The following MBTPS1 variants were observed in gnomAD, a reference collection of about 807,000 sequenced individuals.
The protein encoded by MBTPS1 is membrane bound transcription factor peptidase, site 1.
Under a neutral mutation model 127.8 loss-of-function variants are expected in MBTPS1, and 94 were observed. The ratio of observed to expected loss-of-function variants is 0.74; its 90% CI spans 0.62 to 0.87. The LOEUF (loss-of-function observed/expected upper bound fraction) is 0.87, where lower values mean the gene tolerates loss of function less well. MBTPS1 is among the 40% of genes least tolerant of loss of function. The pLI is 0.00. For synonymous variants in MBTPS1, 632 were observed against 509.4 expected (o/e 1.24, Z -3.24); for missense variants, 1,636 against 1,353.2 (o/e 1.21, Z -3.28).
In MBTPS1 at chr16:84,067,799, T is replaced by A; in HGVS notation, c.2096A>T (p.Glu699Val). The A allele has an allele frequency of 6.2e-7, 1 of 1,612,404 alleles. No homozygotes were observed. The highest frequency in any genetic ancestry group is 8.5e-7 in the Non-Finnish European group (1 of 1,178,672). Residue 699 changes from glutamate to valine, a missense_variant, in exon 16 of 23, where the codon GAG (glutamate) becomes GTG (valine). Glu to Val is a moderately radical substitution (Grantham distance 121, BLOSUM62 -2). Coordinates refer to ENST00000343411, the MANE Select transcript of MBTPS1 (RefSeq NM_003791.4). Reference sequence around the variant, plus strand: ...GATCTCTTCAGGGAAGTACTCCTCCTCACTGTCCACCATCAGCAAAGTGCC... The same window carrying A: ...GATCTCTTCAGGGAAGTACTCCTCCACACTGTCCACCATCAGCAAAGTGCC... ...QYGTLLMVDS[E>V]EEYFPEEIAK...
chr16:84,093,652 G>A lies in MBTPS1; in HGVS notation c.736+59C>T, dbSNP rs1429011216. 7 of 1,121,068 alleles carry A rather than the reference G, an allele frequency of 6.2e-6. No homozygotes were observed. In the East Asian group the frequency reaches 9.4e-5, roughly 15 times the overall value. 69.4% of individuals were successfully genotyped at this position (1,121,068 alleles called of 1,614,324 possible). ...ATTGCTGGACAGACTGTGGAATCATGCACTAAACACACTCTCAGTCGATCA... is the reference window on the plus strand; with the variant it reads ...ATTGCTGGACAGACTGTGGAATCATACACTAAACACACTCTCAGTCGATCA... On this transcript the variant is annotated intron_variant, in intron 5 of 22. Coordinates refer to ENST00000343411, the MANE Select transcript of MBTPS1 (RefSeq NM_003791.4).
intron 21 of MBTPS1, 52 bp from the exon 22 acceptor site, chr16:84,056,187 A>C: frequency 6.7e-7 from 1 of 1,498,626 alleles, no homozygotes; most frequent in East Asian, 2.3e-5. Flanking sequence ...GTACTAGTCT[A>C]GGTACTAGTC....
intron 3 of MBTPS1, among the ~76,000 whole-genome samples, chr16:84,096,854 C>A (rs1304401802): frequency 6.6e-6 from 1 of 152,226 alleles, no homozygotes; most frequent in African/African-American, 2.4e-5. Flanking sequence ...AAGAGCAACA[C>A]TGAGACCAGG....
At chr16:84,090,322 AG>A (rs2086086207) in intron 8 of MBTPS1, among the ~76,000 whole-genome samples, 1 of 151,588 alleles carries the variant, frequency 6.6e-6, no homozygotes, top group African/African-American at 2.4e-5. Context: ...TTTAGCACAA[AG>A]GCCCCCCTGT....
intron 7 of MBTPS1, 124 bp downstream of exon 7, chr16:84,091,608 T>A: frequency 1.5e-6 from 1 of 662,880 alleles, no homozygotes. Context: ...TCATTAGCCA[T>A]CTGTTCTCAC....
At chr16:84,077,834 T>C (rs1343884830) in intron 11 of MBTPS1, among the ~76,000 whole-genome samples, 3 of 151,766 alleles carry the variant, frequency 2.0e-5, no homozygotes, top group African/African-American at 7.3e-5. Flanking sequence ...GCAACATGCA[T>C]CCCTGACGGA....
rs148238798 is a variant in MBTPS1 at position 84,054,948 on chromosome 16, G to A, written c.2963-303C>T. Among the ~76,000 whole-genome samples, 270 of 152,264 alleles carry A rather than the reference G, an allele frequency of 1.8e-3. 3 individuals carry two copies. The highest frequency in any genetic ancestry group is 4.8e-3 in the African/African-American group (199 of 41,552). On this transcript the variant is annotated intron_variant, in intron 22 of 22. Transcript: ENST00000343411. Reference sequence around the variant, plus strand: ...AGCTATGCTTCTGTCACAACCTACCGAAGGGAGGCCCAGAGGCGCTCTGTG... The same window carrying A: ...AGCTATGCTTCTGTCACAACCTACCAAAGGGAGGCCCAGAGGCGCTCTGTG...
intron 3 of MBTPS1, among the ~76,000 whole-genome samples, chr16:84,098,009 G>A (rs561339697): frequency 3.2e-4 from 49 of 152,050 alleles, no homozygotes; most frequent in African/African-American, 9.6e-4. Context: ...CTAGAAATTT[G>A]TTAACCTGAT....
Position 84,101,960 on chromosome 16 carries a change from A to C in MBTPS1, c.-177T>G. On this transcript the variant is annotated 5_prime_UTR_variant, in exon 2 of 23. Transcript: ENST00000343411. ...CATGGCCTTTTGTGGTTCAGCCTGA[A>C]GAGAGGCTTTCATTTCTTTCTCCGC... is the stretch of plus-strand genomic sequence containing the variant. 1 of 585,276 alleles carries C rather than the reference A, an allele frequency of 1.7e-6. No individual in the cohort carries two copies. Among genetic ancestry groups the C allele is most frequent in the Non-Finnish European group, 3.0e-6 (1 of 330,710 alleles). 36.3% of individuals were successfully genotyped at this position (585,276 alleles called of 1,614,324 possible). A position where few individuals can be genotyped will look rare whatever the true frequency, so the allele number is the denominator to read the frequency against.
At chr16:84,060,619 G>A in intron 20 of MBTPS1, 63 bp downstream of exon 20, 1 of 1,572,478 alleles carries the variant, frequency 6.4e-7, no homozygotes, top group Non-Finnish European at 8.7e-7. Context: ...GCCACTGGCT[G>A]AAGTAGCATC....
At chr16:84,074,042 C>CT (rs1479853908) in intron 12 of MBTPS1, among the ~76,000 whole-genome samples, 6 of 152,064 alleles carry the variant, frequency 3.9e-5, no homozygotes, top group Non-Finnish European at 8.8e-5. Context: ...ACAACTGGGC[C>CT]TTTAATTATA....
At position 84,116,764 on chromosome 16, in the gene MBTPS1, G is replaced by T. The variant is rs550521984; in HGVS notation, c.-354C>A. 45 of 152,224 alleles carry T rather than the reference G, an allele frequency of 3.0e-4. No homozygotes were observed. The highest frequency in any genetic ancestry group is 1.1e-3 in the African/African-American group (45 of 41,566). The allele number at this position is 152,224 out of a possible 1,614,324, so 9.4% of individuals were successfully genotyped here. On this transcript the variant is annotated 5_prime_UTR_variant, in exon 1 of 23. Transcript: ENST00000343411. ...GCCGCCGGGAGCTCAGGGCCGGCGG[G>T]CCCGGGATAACGGCGCCTCCGCGGC...
rs1419211785 is a variant in MBTPS1, at chr16:84,084,970, G to C, written c.1286+13C>G. ...GACGTGGGAGCTACTGGTCTCTAGGGGGCAGCACTCACCTCACTAACAAGG... is the reference window on the plus strand; with the variant it reads ...GACGTGGGAGCTACTGGTCTCTAGGCGGCAGCACTCACCTCACTAACAAGG... On this transcript the variant is annotated intron_variant, in intron 10 of 22. Transcript: ENST00000343411. 1.2e-6 allele frequency: 2 copies of C among 1,613,204 alleles called. No homozygotes were observed. Among genetic ancestry groups the C allele is most frequent in the African/African-American group, 1.3e-5 (1 of 75,004 alleles).
At chr16:84,093,027 A>C (rs1255545725) in intron 6 of MBTPS1, among the ~76,000 whole-genome samples, 161 bp downstream of exon 6, 1 of 152,226 alleles carries the variant, frequency 6.6e-6, no homozygotes, top group African/African-American at 2.4e-5. Context: ...GGAGCCACCC[A>C]GGAGGCAGAG....
At chr16:84,057,738 A>C (rs1465029728) in intron 21 of MBTPS1, 1 of 152,224 alleles carries the variant, frequency 6.6e-6, no homozygotes, top group Non-Finnish European at 1.5e-5. Flanking sequence ...AAAGCAAGAT[A>C]AATGTAAAAC....
intron 4 of MBTPS1, among the ~76,000 whole-genome samples, chr16:84,094,389 A>G (rs188840231): frequency 6.6e-6 from 1 of 152,258 alleles, no homozygotes; most frequent in Admixed American, 6.5e-5. Flanking sequence ...GGCTAATCAC[A>G]CCTAAGAAAA....
At chr16:84,114,829 A>AAAATAAATATAAATATAAATAAAAAT (rs879713672) in intron 1 of MBTPS1, among the ~76,000 whole-genome samples, 5,310 of 151,488 alleles carry the variant, frequency 0.035, 149 homozygotes, top group Middle Eastern at 0.075. Context: ...ACTCTGTCTC[A>AAAATAAATATAAATATAAATAAAAAT]AAAAAATAAA....
At chr16:84,078,245 A>C (rs951977107) in intron 11 of MBTPS1, among the ~76,000 whole-genome samples, 91 of 152,194 alleles carry the variant, frequency 6.0e-4, no homozygotes, top group African/African-American at 2.1e-3. Context: ...CCGGACCAGC[A>C]GTGCCACCTT....
chr16:84,109,629 A>G (rs990333316), intron 1 of MBTPS1: 9 of 152,188 alleles, frequency 5.9e-5, no homozygotes, highest in African/African-American at 2.2e-4. Context: ...AAATTGAGGG[A>G]CATTCTACAG....
Sources: gnomAD v4.1 joint callset for allele counts (sites outside exome capture counted in the v4.1 genomes callset) on GRCh38, gnomAD v4.1.1 for gene constraint, MANE v1.5 for transcripts, NCBI Gene and HGNC (gene_info 2026-07-23, HGNC 2026-07-21) for gene names.